Variants in MYT1 observed in about 807,000 individuals in gnomAD.
MYT1 encodes the protein myelin transcription factor 1, also known as myelin transcription factor I.
MYT1 carries 23 observed loss-of-function variants against 123.0 expected under a neutral mutation model. That is an observed-to-expected ratio of 0.19 (90% CI 0.13 to 0.26). The LOEUF is 0.26. MYT1 is among the 10% of genes least tolerant of loss of function. The pLI, the probability that MYT1 is intolerant of heterozygous loss-of-function variation, is 1.00. For synonymous variants in MYT1, 518 were observed against 575.3 expected, an observed-to-expected ratio of 0.90 and a Z score of 1.43; for missense variants, 1,125 against 1,472.5, an observed-to-expected ratio of 0.76 and a Z score of 3.86.
chr20:64,172,399 T>C (rs1379543690), intron 1 of MYT1, among the ~76,000 whole-genome samples: 1 of 152,190 alleles, frequency 6.6e-6, no homozygotes, highest in East Asian at 1.9e-4. Context: ...CTGGGGATCT[T>C]CCCTCGAGCT....
At position 64,197,590 on chromosome 20, in the gene MYT1, C is replaced by G. The variant is rs896367374; in HGVS notation, c.1-1272C>G. Among the ~76,000 whole-genome samples the G allele has an allele frequency of 2.0e-5, 3 of 152,232 alleles. No homozygotes were observed. The East Asian group carries it at 5.8e-4, about 29-fold the overall frequency. ...TGGTGGTGGAGTCCAGTGCTCTCCT[C>G]TTGGGCCTCCCCTGTCCGGCTAGAG... On this transcript the variant is annotated intron_variant, in intron 2 of 22. Coordinates refer to ENST00000328439, the MANE Select transcript of MYT1 (RefSeq NM_004535.3).
intron 14 of MYT1, among the ~76,000 whole-genome samples, chr20:64,222,454 C>T (rs1192348704): frequency 2.6e-5 from 4 of 152,242 alleles, no homozygotes; most frequent in Non-Finnish European, 4.4e-5. Context: ...CTGGAATGTA[C>T]TGCCTTAGGG....
chr20:64,171,659 C>T (rs1393870449), intron 1 of MYT1, among the ~76,000 whole-genome samples: 1 of 141,988 alleles, frequency 7.0e-6, no homozygotes, highest in Non-Finnish European at 1.5e-5. Context: ...TAACTCCCTA[C>T]ACCTCTGGCA....
In MYT1 at chr20:64,232,761, CCT is replaced by C. The variant is rs1429133426; in HGVS notation, c.2897+377_2897+378del. Among the ~76,000 whole-genome samples, 1 of 151,868 alleles carries C rather than the reference CCT, an allele frequency of 6.6e-6. No homozygotes were observed. Among genetic ancestry groups the C allele is most frequent in the Non-Finnish European group, 1.5e-5 (1 of 67,920 alleles). On this transcript the variant is annotated intron_variant, in intron 19 of 22. Transcript: ENST00000328439. This position sits in a 1 kb window ranked among gnomAD's most constrained non-coding sequence, Gnocchi z 6.9. ...AAAGTTTGTCTCCTACACCTTATGC[CCT>C]GTCCCTCCCATTCATACCTTCTCAG... is the stretch of plus-strand genomic sequence containing the variant.
At chr20:64,224,867 T>TTC (rs975764470) in intron 16 of MYT1, among the ~76,000 whole-genome samples, 2 of 152,218 alleles carry the variant, frequency 1.3e-5, no homozygotes, top group Admixed American at 6.5e-5. Context: ...ACCATGTCCT[T>TTC]TCTGTCCTGT....
At position 64,208,269 on chromosome 20, in the gene MYT1, C is replaced by T; in HGVS notation, c.1073C>T (p.Ser358Phe). ...GATGACAAGGACGAGGACACCCACTCCCGGAAGTCAACAGTCACTGACGAG... is the reference window on the plus strand; with the variant it reads ...GATGACAAGGACGAGGACACCCACTTCCGGAAGTCAACAGTCACTGACGAG... ...SDDDKDEDTH[S>F]RKSTVTDESE... The change falls in exon 7 of 23, where the codon TCC (serine) becomes TTC (phenylalanine). Residue 358 changes from serine to phenylalanine, a missense_variant. Ser to Phe is a radical substitution (Grantham distance 155). This residue lies in a region of MYT1 where 429 missense variants were observed against 604.1 expected (regional missense o/e 0.71). Transcript: ENST00000328439. The surrounding 1 kb of genome is among the most constrained non-coding windows in gnomAD (Gnocchi z 5.4). The T allele has an allele frequency of 6.2e-7, 1 of 1,614,180 alleles. No homozygotes were observed. Among genetic ancestry groups the T allele is most frequent in the Non-Finnish European group, 8.5e-7 (1 of 1,180,042 alleles).
rs1983751972 is a variant in MYT1 at position 64,213,705 on chromosome 20, T to G, written c.1631+58T>G. ...TGCCTCCCAAATGCCTGCAGAGGGC[T>G]TCTCAGTCTCCCGCAGGCTGTATGT... On this transcript the variant is annotated intron_variant, in intron 10 of 22. Coordinates refer to ENST00000328439, the MANE Select transcript of MYT1 (RefSeq NM_004535.3). This position sits in a 1 kb window ranked among gnomAD's most constrained non-coding sequence, Gnocchi z 5.6. The G allele has an allele frequency of 7.0e-7, 1 of 1,418,846 alleles. No homozygotes were observed. Among genetic ancestry groups the G allele is most frequent in the Non-Finnish European group, 9.9e-7 (1 of 1,007,656 alleles). The allele number at this position is 1,418,846 out of a possible 1,614,324, so 87.9% of individuals were successfully genotyped here. A position where few individuals can be genotyped will look rare whatever the true frequency, so the allele number is the denominator to read the frequency against.
intron 1 of MYT1, among the ~76,000 whole-genome samples, chr20:64,182,491 C>A (rs927079): frequency 0.059 from 8,977 of 152,292 alleles, 545 homozygotes; most frequent in South Asian, 0.21. Flanking sequence ...GTTCTGGGTC[C>A]CGATGCCTCC....
In MYT1 at chr20:64,191,101, C is replaced by G. The variant is rs938710644; in HGVS notation, c.-1+941C>G. On this transcript the variant is annotated intron_variant, in intron 2 of 22. Coordinates refer to ENST00000328439, the MANE Select transcript of MYT1 (RefSeq NM_004535.3). The surrounding 1 kb of genome is among the most constrained non-coding windows in gnomAD (Gnocchi z 4.1). ...GGCCTGAGCAACTGTTCTCTATTCA[C>G]CCTGCTTTTACCTGGCCAGGCTGAG... Among the ~76,000 whole-genome samples the G allele has an allele frequency of 1.3e-5, 2 of 152,258 alleles. No homozygotes were observed. Among genetic ancestry groups the G allele is most frequent in the Admixed American group, 1.3e-4 (2 of 15,290 alleles).
At chr20:64,214,440 A>G (rs1049957923) in intron 10 of MYT1, among the ~76,000 whole-genome samples, 1 of 152,324 alleles carries the variant, frequency 6.6e-6, no homozygotes. Context: ...ATCTTTCAGA[A>G]TGTGTCCCAT....
At chr20:64,184,479 T>C (rs1982742377) in intron 1 of MYT1, among the ~76,000 whole-genome samples, 1 of 152,184 alleles carries the variant, frequency 6.6e-6, no homozygotes, top group Non-Finnish European at 1.5e-5. Context: ...ATGTCCCACT[T>C]ATCCATATGC....
intron 1 of MYT1, among the ~76,000 whole-genome samples, chr20:64,188,140 G>A (rs987241199): frequency 6.6e-6 from 1 of 152,182 alleles, no homozygotes; most frequent in African/African-American, 2.4e-5. Flanking sequence ...GGGTGTGGGT[G>A]GAGAAGCCCC....
chr20:64,223,814 A>G (rs1362737380), intron 16 of MYT1, among the ~76,000 whole-genome samples: 1 of 152,114 alleles, frequency 6.6e-6, no homozygotes, highest in African/African-American at 2.4e-5. Flanking sequence ...ATGAAGAGAA[A>G]GCTCCTTCCC....
At chr20:64,215,748 AT>A (rs77922543) in intron 10 of MYT1, among the ~76,000 whole-genome samples, 1 of 142,356 alleles carries the variant, frequency 7.0e-6, no homozygotes. Context: ...ATACCTGCCT[AT>A]TTTTTTTGCG....
chr20:64,211,918 C>T (rs774195480), intron 8 of MYT1, 130 bp from the exon 9 acceptor site: 2 of 743,950 alleles, frequency 2.7e-6, no homozygotes, highest in East Asian at 2.6e-5. Flanking sequence ...GCTGTGTCCC[C>T]CACCTGCCTA....
chr20:64,235,737 T>G (rs113434055), intron 19 of MYT1, among the ~76,000 whole-genome samples: 1 of 62,724 alleles, frequency 1.6e-5, no homozygotes, highest in Non-Finnish European at 2.9e-5. Flanking sequence ...CTTGGCTGGC[T>G]GTGGTGGGTG....
intron 1 of MYT1, among the ~76,000 whole-genome samples, chr20:64,184,901 A>G (rs1982753473): frequency 6.6e-6 from 1 of 152,212 alleles, no homozygotes. Context: ...AGGAGCCTGT[A>G]CAGGTGACCG....
intron 18 of MYT1, 141 bp downstream of exon 18, chr20:64,228,112 C>A: frequency 1.3e-6 from 1 of 769,176 alleles, no homozygotes; most frequent in Non-Finnish European, 2.1e-6. Context: ...ACTTTCGTTT[C>A]TTTCATTTTT....
chr20:64,209,389 C>T (rs548695855), intron 7 of MYT1, among the ~76,000 whole-genome samples: 5 of 152,312 alleles, frequency 3.3e-5, no homozygotes, highest in Admixed American at 6.5e-5. Context: ...TTGACCCAGC[C>T]GGCCTGGTGC....
Sources: allele counts gnomAD v4.1 joint callset (sites outside exome capture counted in the v4.1 genomes callset), GRCh38; gene constraint gnomAD v4.1.1; regional missense constraint gnomAD v4.1.1; non-coding constraint Gnocchi (gnomAD v3.1); transcripts MANE v1.5; gene names NCBI Gene and HGNC (gene_info 2026-07-23, HGNC 2026-07-21).